PTPRD: variants seen among roughly 807,000 people sequenced by gnomAD.
PTPRD encodes protein tyrosine phosphatase receptor type D.
PTPRD carries 34 observed loss-of-function variants against 214.5 expected under a neutral mutation model. The ratio of observed to expected loss-of-function variants is 0.16; its 90% CI spans 0.12 to 0.21. The LOEUF (loss-of-function observed/expected upper bound fraction) is 0.21. PTPRD is among the 10% of genes least tolerant of loss of function. The pLI is 1.00. For synonymous variants in PTPRD, 1,128 were observed against 845.7 expected (o/e 1.33, Z -5.79); for missense variants, 2,545 against 2,398.7 (o/e 1.06, Z -1.27).
chr9:9,082,879 C>A (rs2099761347), intron 10 of PTPRD, among the ~76,000 whole-genome samples: 1 of 152,060 alleles, frequency 6.6e-6, no homozygotes, highest in Admixed American at 6.6e-5. Flanking sequence ...GAACTACAAA[C>A]CACTGCTCAA....
chr9:10,082,183 G>C (rs1279337215), intron 3 of PTPRD, among the ~76,000 whole-genome samples: 3 of 152,028 alleles, frequency 2.0e-5, no homozygotes, highest in Non-Finnish European at 4.4e-5. Flanking sequence ...TACTTTCCTG[G>C]AATCAATTAC....
At chr9:8,549,932 T>C (rs1439991155) in intron 14 of PTPRD, among the ~76,000 whole-genome samples, 1 of 152,196 alleles carries the variant, frequency 6.6e-6, no homozygotes, top group Non-Finnish European at 1.5e-5. Context: ...TCTCCATTCA[T>C]ATAGTTCCTG....
At chr9:8,483,991 A>G in intron 30 of PTPRD, 128 bp downstream of exon 30, 1 of 1,205,386 alleles carries the variant, frequency 8.3e-7, no homozygotes, top group Non-Finnish European at 1.1e-6. Flanking sequence ...CAAAACTGGG[A>G]GTCTGAGCAG....
chr9:10,108,029 G>A (rs1008143628), intron 3 of PTPRD, among the ~76,000 whole-genome samples: 1 of 152,066 alleles, frequency 6.6e-6, no homozygotes, highest in African/African-American at 2.4e-5. Context: ...CTGCCATGTG[G>A]TTGAAAGAGG....
chr9:9,743,027 T>C (rs1301442429), intron 6 of PTPRD, among the ~76,000 whole-genome samples: 6 of 152,198 alleles, frequency 3.9e-5, no homozygotes, highest in Non-Finnish European at 8.8e-5. Flanking sequence ...TGTGTATTTT[T>C]ACATTCTTAT....
intron 11 of PTPRD, among the ~76,000 whole-genome samples, chr9:8,929,849 ATATATATGTGTATATACATGTGTGTG>A (rs1567063569): frequency 3.5e-4 from 43 of 124,190 alleles, no homozygotes; most frequent in African/African-American, 9.4e-4. Context: ...ATATGTGTGT[ATATATATGTGTATATACATGTGTGTG>A]TATATATGTG....
At chr9:9,354,618 G>A (rs2052954532) in intron 9 of PTPRD, among the ~76,000 whole-genome samples, 1 of 151,718 alleles carries the variant, frequency 6.6e-6, no homozygotes, top group African/African-American at 2.4e-5. Flanking sequence ...ATTGGAGAGC[G>A]ATAGATAATA....
At chr9:9,121,388 G>A (rs180989802) in intron 10 of PTPRD, among the ~76,000 whole-genome samples, 1 of 152,160 alleles carries the variant, frequency 6.6e-6, no homozygotes, top group African/African-American at 2.4e-5. Context: ...GTTTATAGCA[G>A]CACAAGTCAC....
At chr9:10,095,810 T>C (rs1453516722) in intron 3 of PTPRD, among the ~76,000 whole-genome samples, 1 of 151,598 alleles carries the variant, frequency 6.6e-6, no homozygotes, top group Non-Finnish European at 1.5e-5. Flanking sequence ...ACATAATAGT[T>C]TGAATGATTT....
rs144723689 is a variant in PTPRD, at chr9:8,864,313, A to G, written c.-103-130367T>C. Among the ~76,000 whole-genome samples the G allele has an allele frequency of 1.6e-4, 25 of 152,268 alleles. No homozygotes were observed. In the East Asian group the frequency reaches 4.8e-3, roughly 29 times the overall value. On this transcript the variant is annotated intron_variant, in intron 11 of 45. Transcript: ENST00000381196. ...TTAAAATTTCATTTGCACAAGCCTG[A>G]CTCTTATCTCTCAAGACTCGGACAT...
intron 11 of PTPRD, among the ~76,000 whole-genome samples, chr9:8,998,046 T>C (rs1035101422): frequency 1.3e-5 from 2 of 151,212 alleles, no homozygotes; most frequent in African/African-American, 2.4e-5. Flanking sequence ...TCATGAGTTT[T>C]AAAAAAAAAG....
chr9:8,842,659 TG>T (rs1399146408), intron 11 of PTPRD, among the ~76,000 whole-genome samples: 1 of 152,178 alleles, frequency 6.6e-6, no homozygotes, highest in Non-Finnish European at 1.5e-5. Context: ...GGGTGGAGTC[TG>T]GAAGTCACTC....
chr9:10,494,848 C>A (rs2132898741), intron 2 of PTPRD, among the ~76,000 whole-genome samples: 2 of 151,158 alleles, frequency 1.3e-5, no homozygotes, highest in South Asian at 2.1e-4. Flanking sequence ...CCTAAAAATT[C>A]TAGTATTGGG....
chr9:9,405,627 G>A (rs1056648961), intron 8 of PTPRD, among the ~76,000 whole-genome samples: 1 of 152,040 alleles, frequency 6.6e-6, no homozygotes, highest in African/African-American at 2.4e-5. Context: ...GTTCGGGTTT[G>A]TGCTCTGTTA....
intron 11 of PTPRD, among the ~76,000 whole-genome samples, chr9:8,775,274 T>C (rs1253061354): frequency 6.6e-6 from 1 of 152,256 alleles, no homozygotes; most frequent in East Asian, 1.9e-4. Context: ...TTGTTTACTT[T>C]CTCAGCAAGA....
intron 12 of PTPRD, among the ~76,000 whole-genome samples, chr9:8,699,913 GC>G (rs2154393969): frequency 6.6e-6 from 1 of 152,212 alleles, no homozygotes; most frequent in East Asian, 1.9e-4. Flanking sequence ...CATTTTGTAG[GC>G]CCTGATTGAT....
intron 8 of PTPRD, among the ~76,000 whole-genome samples, chr9:9,502,881 T>G (rs1405418387): frequency 2.6e-5 from 4 of 151,962 alleles, no homozygotes; most frequent in Non-Finnish European, 4.4e-5. Context: ...ACGTAACTAT[T>G]CTATGGTGAC....
At chr9:9,908,152 A>G (rs911623103) in intron 5 of PTPRD, among the ~76,000 whole-genome samples, 2 of 152,036 alleles carry the variant, frequency 1.3e-5, no homozygotes, top group African/African-American at 4.8e-5. Context: ...TGGGCAAAGG[A>G]AAAGTCCATG....
chr9:8,592,269 A>AAAT (rs1193861757), intron 14 of PTPRD, among the ~76,000 whole-genome samples: 3 of 152,160 alleles, frequency 2.0e-5, no homozygotes. Context: ...GTACACCCCC[A>AAAT]AATTCAACCC....
Sources: gnomAD v4.1 joint callset for allele counts (sites outside exome capture counted in the v4.1 genomes callset) on GRCh38, gnomAD v4.1.1 for gene constraint, MANE v1.5 for transcripts, NCBI Gene and HGNC (gene_info 2026-07-23, HGNC 2026-07-21) for gene names.